The following CDH9 variants were observed in gnomAD, a reference collection of about 807,000 sequenced individuals.
The protein encoded by CDH9 is cadherin-9.
In CDH9, 28 loss-of-function variants were observed where a neutral mutation model predicts 70.9. The ratio of observed to expected loss-of-function variants is 0.40; its 90% CI spans 0.29 to 0.54. The LOEUF (loss-of-function observed/expected upper bound fraction) is 0.54, where lower values mean the gene tolerates loss of function less well. Ranked by LOEUF, CDH9 falls within the 20% of genes least tolerant of loss-of-function variation. The pLI is 0.59. For missense variants in CDH9, 874 were observed against 984.4 expected (o/e 0.89, Z 1.50); for synonymous variants, 409 against 343.1 (o/e 1.19, Z -2.12).
intron 2 of CDH9, among the ~76,000 whole-genome samples, chr5:26,985,333 C>A (rs1742471008): frequency 6.6e-6 from 1 of 152,040 alleles, no homozygotes; most frequent in African/African-American, 2.4e-5. Flanking sequence ...TTAAAGAAAT[C>A]TTAATGACAA....
At chr5:26,949,165 C>T (rs984578393) in intron 2 of CDH9, among the ~76,000 whole-genome samples, 4 of 152,024 alleles carry the variant, frequency 2.6e-5, no homozygotes, top group African/African-American at 9.7e-5. Flanking sequence ...TACATTTGAC[C>T]CTTTTGGCTT....
At chr5:26,896,406 A>G (rs1579668380) in intron 7 of CDH9, among the ~76,000 whole-genome samples, 1 of 151,904 alleles carries the variant, frequency 6.6e-6, no homozygotes, top group South Asian at 2.1e-4. Flanking sequence ...TAAAGATTGT[A>G]TATATCTCTA....
Position 26,915,663 on chromosome 5 carries a change from A to G in CDH9, c.490T>C (p.Tyr164His). Residue 164 changes from tyrosine (Y) to histidine (H), a missense_variant, in exon 3 of 12, where the codon TAC becomes CAC. By Grantham distance (83) the Tyr-to-His change is moderately conservative (BLOSUM62 2). Transcript: ENST00000231021. ...DNEPKFTKDL[Y>H]TASVPEMSGV... ...GACATTTCAGGAACACTGGCAGTGT[A>G]TAAGTCTTTTGTAAATTTTGGCTCA... 1 of 1,604,314 alleles carries G rather than the reference A, an allele frequency of 6.2e-7. No homozygotes were observed.
chr5:26,911,924 G>A (rs944453340), intron 3 of CDH9, among the ~76,000 whole-genome samples: 1 of 151,884 alleles, frequency 6.6e-6, no homozygotes, highest in African/African-American at 2.4e-5. Context: ...CTGAAGCAGA[G>A]GGAAACAAGA....
At chr5:26,979,487 TG>T (rs1034454524) in intron 2 of CDH9, among the ~76,000 whole-genome samples, 3 of 151,268 alleles carry the variant, frequency 2.0e-5, no homozygotes, top group African/African-American at 7.3e-5. Flanking sequence ...AAAGAACAAC[TG>T]GGGGGAACAG....
chr5:26,941,979 C>T (rs1053212564), intron 2 of CDH9, among the ~76,000 whole-genome samples: 1 of 152,242 alleles, frequency 6.6e-6, no homozygotes, highest in East Asian at 1.9e-4. Flanking sequence ...TAGCTAGGAT[C>T]TCTCTTCTTG....
intron 6 of CDH9, chr5:26,903,349 G>T: frequency 2.0e-6 from 1 of 491,430 alleles, no homozygotes; most frequent in Admixed American, 3.4e-5. Context: ...TGATGGCTGT[G>T]TGTTTATATT....
intron 2 of CDH9, among the ~76,000 whole-genome samples, chr5:26,953,946 A>G (rs919549173): frequency 6.6e-6 from 1 of 151,504 alleles, no homozygotes; most frequent in Non-Finnish European, 1.5e-5. Context: ...ATGAAACATA[A>G]AACACACACA....
chr5:27,018,274 T>C (rs190513807), intron 1 of CDH9, among the ~76,000 whole-genome samples: 2 of 151,932 alleles, frequency 1.3e-5, no homozygotes, highest in South Asian at 2.1e-4. Context: ...ATATTGTATA[T>C]AGAATTTTCC....
chr5:26,881,613 C>T lies in CDH9; in HGVS notation c.1893G>A (p.Val631=), dbSNP rs1740466565. 1.9e-6 allele frequency: 3 copies of T among 1,607,706 alleles called. No individual in the cohort carries two copies. The East Asian group carries it at 6.7e-5, about 36-fold the overall frequency. ...LCVLILLILV[V]LFAALKRQRK... ...TTTGCCTCTTCAATGCAGCAAACAA[C>T]ACGACTAAAACTATTAATAAGAAAT... Residue 631 remains valine (V), a synonymous_variant, in exon 12 of 12, where the codon GTG becomes GTA. Transcript: ENST00000231021.
At chr5:26,894,438 C>A (rs1169029722) in intron 7 of CDH9, among the ~76,000 whole-genome samples, 2 of 151,996 alleles carry the variant, frequency 1.3e-5, no homozygotes, top group Admixed American at 1.3e-4. Context: ...TTAGGTACAA[C>A]CTTGAAAGAC....
chr5:26,967,903 A>T (rs1017159774), intron 2 of CDH9, among the ~76,000 whole-genome samples: 1 of 151,900 alleles, frequency 6.6e-6, no homozygotes, highest in African/African-American at 2.4e-5. Flanking sequence ...TGCAGAGATG[A>T]AGTCTTCCTA....
At chr5:27,010,610 T>C (rs888312227) in intron 1 of CDH9, among the ~76,000 whole-genome samples, 4 of 152,148 alleles carry the variant, frequency 2.6e-5, no homozygotes, top group African/African-American at 9.6e-5. Flanking sequence ...GTGCAGGATC[T>C]GCCTTCCAAG....
chr5:26,936,994 A>C (rs942892798), intron 2 of CDH9, among the ~76,000 whole-genome samples: 2 of 152,162 alleles, frequency 1.3e-5, no homozygotes, highest in Admixed American at 6.5e-5. Flanking sequence ...TTTAGATACA[A>C]CACCAAAAGA....
chr5:26,899,350 AC>A (rs1366777291), intron 7 of CDH9, among the ~76,000 whole-genome samples: 6 of 152,290 alleles, frequency 3.9e-5, no homozygotes, highest in African/African-American at 1.4e-4. Flanking sequence ...AAATCATTCT[AC>A]TATAAAGACA....
At chr5:27,024,148 A>G (rs1561044551) in intron 1 of CDH9, among the ~76,000 whole-genome samples, 1 of 152,040 alleles carries the variant, frequency 6.6e-6, no homozygotes, top group Non-Finnish European at 1.5e-5. Context: ...ATTAATGATG[A>G]AAACTGGACA....
chr5:26,961,343 A>G (rs1163059108), intron 2 of CDH9, among the ~76,000 whole-genome samples: 2 of 152,134 alleles, frequency 1.3e-5, no homozygotes, highest in Non-Finnish European at 2.9e-5. Flanking sequence ...TGTGCACTAG[A>G]TCTTTTGAAT....
intron 1 of CDH9, among the ~76,000 whole-genome samples, chr5:27,037,636 C>A (rs1343472310): frequency 6.6e-6 from 1 of 151,836 alleles, no homozygotes; most frequent in Non-Finnish European, 1.5e-5. Context: ...CTTGAGCATG[C>A]GATGGAAAAC....
At chr5:26,933,108 T>C (rs905352366) in intron 2 of CDH9, among the ~76,000 whole-genome samples, 2 of 147,396 alleles carry the variant, frequency 1.4e-5, no homozygotes, top group Non-Finnish European at 3.0e-5. Context: ...ATTATACAAA[T>C]ATAATTTTAA....
Sources: gnomAD v4.1 joint callset for allele counts (sites outside exome capture counted in the v4.1 genomes callset) on GRCh38, gnomAD v4.1.1 for gene constraint, MANE v1.5 for transcripts, NCBI Gene and HGNC (gene_info 2026-07-23, HGNC 2026-07-21) for gene names.